PTPRT: variants seen among roughly 807,000 people sequenced by gnomAD.
PTPRT encodes receptor-type tyrosine-protein phosphatase T.
In PTPRT, 56 loss-of-function variants were observed where a neutral mutation model predicts 176.8. The ratio of observed to expected loss-of-function variants is 0.32; its 90% CI spans 0.26 to 0.40. The LOEUF is 0.40. Among genes scored for constraint, PTPRT ranks in the 10% least tolerant of loss-of-function variants. The pLI, the probability that PTPRT is intolerant of heterozygous loss-of-function variation, is 1.00. For missense variants in PTPRT, 1,540 were observed against 1,908.2 expected, an observed-to-expected ratio of 0.81 and a Z score of 3.60; for synonymous variants, 783 against 739.0, an observed-to-expected ratio of 1.06 and a Z score of -0.96.
intron 6 of PTPRT, among the ~76,000 whole-genome samples, chr20:42,713,162 C>G (rs917206435): frequency 3.3e-5 from 5 of 151,866 alleles, no homozygotes; most frequent in Non-Finnish European, 4.4e-5. Flanking sequence ...CACATACACA[C>G]ACACACACAC....
chr20:42,785,876 A>G (rs208253), intron 3 of PTPRT, among the ~76,000 whole-genome samples: 112,426 of 151,688 alleles, frequency 0.74, 41,781 homozygotes, highest in East Asian at 0.85. Flanking sequence ...GAGGCCCACT[A>G]CAAGCCTGAT....
intron 13 of PTPRT, among the ~76,000 whole-genome samples, chr20:42,266,213 G>C (rs2056836455): frequency 6.6e-6 from 1 of 152,170 alleles, no homozygotes; most frequent in African/African-American, 2.4e-5. Context: ...AAGGTCCCCA[G>C]TTTTAAGGAA....
At position 42,617,724 on chromosome 20, in the gene PTPRT, C is replaced by T. The variant is rs2074109918; in HGVS notation, c.1153+60142G>A. On this transcript the variant is annotated intron_variant, in intron 7 of 30. Coordinates refer to ENST00000373187, the MANE Select transcript of PTPRT (RefSeq NM_007050.6). ...TCTTCTAGATTTTCTAGTTTATTTG[C>T]GTAGAGGTGTTTGTAGTACTCTCTG... Among the ~76,000 whole-genome samples the T allele has an allele frequency of 2.9e-5, 4 of 139,250 alleles. 1 individual carries two copies. Among genetic ancestry groups the T allele is most frequent in the South Asian group, 2.2e-4 (1 of 4,490 alleles). The allele number at this position is 139,250 out of a possible 152,430, so 91.4% of individuals were successfully genotyped here.
chr20:42,303,428 C>G (rs1416892414), intron 12 of PTPRT, among the ~76,000 whole-genome samples: 1 of 152,156 alleles, frequency 6.6e-6, no homozygotes, highest in Non-Finnish European at 1.5e-5. Flanking sequence ...TGGGACCCTC[C>G]TGGTTCTAGT....
chr20:43,107,005 G>A (rs1318284184), intron 1 of PTPRT, among the ~76,000 whole-genome samples: 1 of 152,008 alleles, frequency 6.6e-6, no homozygotes, highest in Non-Finnish European at 1.5e-5. Flanking sequence ...GGTCAGGCTG[G>A]TATAGAACTC....
At chr20:42,930,108 T>A (rs568533596) in intron 1 of PTPRT, among the ~76,000 whole-genome samples, 1 of 152,176 alleles carries the variant, frequency 6.6e-6, no homozygotes, top group Admixed American at 6.5e-5. Flanking sequence ...TAGTTTCTGA[T>A]AAAGGAGGGA....
chr20:43,098,657 G>A (rs1382028959), intron 1 of PTPRT, among the ~76,000 whole-genome samples: 3 of 151,016 alleles, frequency 2.0e-5, no homozygotes, highest in African/African-American at 4.9e-5. Flanking sequence ...ATAAAAAATC[G>A]ATGCAATACT....
At chr20:42,525,813 G>A (rs1479074648) in intron 7 of PTPRT, among the ~76,000 whole-genome samples, 1 of 152,174 alleles carries the variant, frequency 6.6e-6, no homozygotes, top group African/African-American at 2.4e-5. Flanking sequence ...GTTGGCTAGA[G>A]TTTATCTTCT....
chr20:42,279,739 C>G (rs1034647647), intron 13 of PTPRT, among the ~76,000 whole-genome samples: 1 of 152,166 alleles, frequency 6.6e-6, no homozygotes, highest in Admixed American at 6.5e-5. Flanking sequence ...GGGTACTAGG[C>G]TTGGGGTCAA....
intron 13 of PTPRT, among the ~76,000 whole-genome samples, chr20:42,279,433 C>G (rs553255428): frequency 6.6e-6 from 1 of 152,128 alleles, no homozygotes; most frequent in African/African-American, 2.4e-5. Context: ...CTAAGAGACA[C>G]ACGTAGAAAA....
At chr20:43,066,824 C>T (rs75778378) in intron 1 of PTPRT, among the ~76,000 whole-genome samples, 10,115 of 152,206 alleles carry the variant, frequency 0.066, 378 homozygotes, top group Middle Eastern at 0.14. Context: ...CCTCTCTTTT[C>T]GTAAATGAGG....
intron 6 of PTPRT, among the ~76,000 whole-genome samples, chr20:42,696,663 G>A (rs2075884655): frequency 6.6e-6 from 1 of 151,960 alleles, no homozygotes; most frequent in African/African-American, 2.4e-5. Context: ...CACCATGTTA[G>A]CCAGGATGGT....
At chr20:42,812,512 G>A (rs1267561667) in intron 2 of PTPRT, among the ~76,000 whole-genome samples, 1 of 152,060 alleles carries the variant, frequency 6.6e-6, no homozygotes, top group Non-Finnish European at 1.5e-5. Flanking sequence ...ACAATTTTTG[G>A]GAGGATATGG....
chr20:42,802,815 C>T lies in PTPRT; in HGVS notation c.215-11349G>A, dbSNP rs571369766. On this transcript the variant is annotated intron_variant, in intron 2 of 30. Transcript: ENST00000373187. ...CTCAAACTGCCAGATCAAATCCCAG[C>T]TCTGTCAGCTCTCAGCTGTGTGGCC... is the stretch of plus-strand genomic sequence containing the variant. Among the ~76,000 whole-genome samples, 10 of 152,336 alleles carry T rather than the reference C, an allele frequency of 6.6e-5. No homozygotes were observed. In the South Asian group the frequency reaches 2.1e-3, roughly 32 times the overall value.
intron 1 of PTPRT, among the ~76,000 whole-genome samples, chr20:42,903,617 T>C (rs918476606): frequency 1.3e-5 from 2 of 152,214 alleles, no homozygotes; most frequent in African/African-American, 4.8e-5. Flanking sequence ...CAGTGAAGCT[T>C]TGGCAATTTA....
chr20:42,624,050 A>T (rs1243118740), intron 7 of PTPRT, among the ~76,000 whole-genome samples: 2 of 151,980 alleles, frequency 1.3e-5, no homozygotes, highest in African/African-American at 2.4e-5. Context: ...TGCTGAACTC[A>T]GATTCTGATT....
intron 27 of PTPRT, among the ~76,000 whole-genome samples, chr20:42,095,374 C>G (rs1306074507): frequency 6.6e-6 from 1 of 152,174 alleles, no homozygotes; most frequent in Non-Finnish European, 1.5e-5. Context: ...GCTGCTTTCC[C>G]CACAGTTGTG....
Position 42,636,789 on chromosome 20 carries a change from ATAAT to A in PTPRT, c.1153+41073_1153+41076del, listed in dbSNP as rs962290760. On this transcript the variant is annotated intron_variant, in intron 7 of 30. Transcript: ENST00000373187. The stretch of plus-strand genomic sequence containing the variant: ...GACAGAGTGAGACTCCAACTCAAAA[ATAAT>A]TAATTAATTAATCAATTAATTAAAA... 6.6e-5 allele frequency among the ~76,000 whole-genome samples: 10 copies of A among 152,216 alleles called. 1 individual carries two copies. Among genetic ancestry groups the A allele is most frequent in the African/African-American group, 1.9e-4 (8 of 41,504 alleles).
At chr20:42,758,240 T>C (rs570378504) in intron 5 of PTPRT, among the ~76,000 whole-genome samples, 5 of 152,344 alleles carry the variant, frequency 3.3e-5, no homozygotes, top group Non-Finnish European at 5.9e-5. Context: ...CGCAACGCGA[T>C]CTTCATTGTT....
Sources: allele counts gnomAD v4.1 joint callset (sites outside exome capture counted in the v4.1 genomes callset), GRCh38; gene constraint gnomAD v4.1.1; transcripts MANE v1.5; gene names NCBI Gene and HGNC (gene_info 2026-07-23, HGNC 2026-07-21).